The following PAICS variants were observed in gnomAD, a reference collection of about 807,000 sequenced individuals.
PAICS encodes phosphoribosylaminoimidazole carboxylase and phosphoribosylaminoimidazolesuccinocarboxamide synthase, also known as bifunctional phosphoribosylaminoimidazole carboxylase/phosphoribosylaminoimidazole succinocarboxamide synthetase.
In PAICS, 33 loss-of-function variants were observed where a neutral mutation model predicts 53.7. The observed-to-expected ratio is 0.61, with a 90% CI of 0.47 to 0.82. The LOEUF (loss-of-function observed/expected upper bound fraction) is 0.82. Ranked by LOEUF, PAICS falls within the 40% of genes least tolerant of loss-of-function variation. The pLI is 0.00. For synonymous variants in PAICS, 141 were observed against 167.2 expected (o/e 0.84, Z 1.21); for missense variants, 394 against 494.1 (o/e 0.80, Z 1.92).
chr4:56,412,826 C>T, the PAICS span, among the ~76,000 whole-genome samples: 1 of 152,176 alleles, frequency 6.6e-6, no homozygotes. Context: ...CCCTAGTTTT[C>T]ACCCTCTTCC....
At chr4:56,451,803 T>C in intron 6 of PAICS, 69 bp from the exon 7 acceptor site, 1 of 963,464 alleles carries the variant, frequency 1.0e-6, no homozygotes, top group Non-Finnish European at 1.5e-6. Context: ...ATAATTTTAC[T>C]ACAAACTCTA....
At chr4:56,454,226 G>A (rs994726949) in intron 8 of PAICS, among the ~76,000 whole-genome samples, 2 of 152,152 alleles carry the variant, frequency 1.3e-5, no homozygotes, top group African/African-American at 4.8e-5. Flanking sequence ...GGAAAGGGGA[G>A]GTCTAGAAAG....
chr4:56,411,471 T>C, the PAICS span, among the ~76,000 whole-genome samples: 11 of 152,214 alleles, frequency 7.2e-5, no homozygotes, highest in African/African-American at 1.9e-4. Context: ...ATTTAGTACA[T>C]GAAATGATCT....
chr4:56,424,531 C>T, the PAICS span, among the ~76,000 whole-genome samples: 2 of 151,602 alleles, frequency 1.3e-5, no homozygotes, highest in South Asian at 2.1e-4. Context: ...AAATCAATCA[C>T]GGAGAAGAAT....
chr4:56,429,961 TA>T, the PAICS span, among the ~76,000 whole-genome samples: 1 of 152,176 alleles, frequency 6.6e-6, no homozygotes, highest in Admixed American at 6.5e-5. Context: ...TAGTCCATTG[TA>T]AAAATATACA....
chr4:56,450,952 G>A (rs572356951), intron 6 of PAICS: 17 of 311,722 alleles, frequency 5.5e-5, no homozygotes, highest in African/African-American at 3.7e-4. Flanking sequence ...CGAGTAGCTG[G>A]GACTACAGGC....
chr4:56,420,721 C>T, the PAICS span: 1 of 152,004 alleles, frequency 6.6e-6, no homozygotes, highest in Non-Finnish European at 1.5e-5. Flanking sequence ...AGAAAAAGGG[C>T]ATTGAAGAAC....
At chr4:56,454,810 A>T (rs1372717778) in intron 8 of PAICS, among the ~76,000 whole-genome samples, 11 of 151,098 alleles carry the variant, frequency 7.3e-5, no homozygotes, top group African/African-American at 9.7e-5. Flanking sequence ...TTTTTTTTTT[A>T]AAGTAAATGT....
upstream of PAICS, chr4:56,435,644 G>A: frequency 7.0e-7 from 1 of 1,434,056 alleles, no homozygotes; most frequent in Non-Finnish European, 9.3e-7. Context: ...CCTAGGTGGC[G>A]TGGCCAGCTC....
At chr4:56,449,981 A>C (rs1718822233) in intron 5 of PAICS, among the ~76,000 whole-genome samples, 1 of 151,874 alleles carries the variant, frequency 6.6e-6, no homozygotes, top group Non-Finnish European at 1.5e-5. Flanking sequence ...TCTCCAAAAA[A>C]AAAAAAAGAA....
chr4:56,448,604 A>G lies in PAICS; in HGVS notation c.573+7A>G. On this transcript the variant is annotated splice_region_variant and intron_variant, in intron 4 of 8. Transcript: ENST00000512576. ...TACACTGGTTGATATGAAGGTACAGATAAAACAAGTACAGATAAAACAACA... is the reference window on the plus strand; with the variant it reads ...TACACTGGTTGATATGAAGGTACAGGTAAAACAAGTACAGATAAAACAACA... 1 of 1,554,902 alleles carries G rather than the reference A, an allele frequency of 6.4e-7. No homozygotes were observed. Among genetic ancestry groups the G allele is most frequent in the Non-Finnish European group, 8.6e-7 (1 of 1,157,944 alleles).
At chr4:56,433,326 C>G (rs553135838), upstream of PAICS, among the ~76,000 whole-genome samples, 65 of 149,542 alleles carry the variant, frequency 4.3e-4, no homozygotes, top group African/African-American at 1.5e-3. Flanking sequence ...ATTATTTAAT[C>G]TTACAATTCT....
chr4:56,423,916 T>A, the PAICS span, among the ~76,000 whole-genome samples: 1 of 152,164 alleles, frequency 6.6e-6, no homozygotes, highest in Non-Finnish European at 1.5e-5. Flanking sequence ...ACTCCGCTCT[T>A]AGGAAGAATG....
At chr4:56,414,998 T>C in the PAICS span, among the ~76,000 whole-genome samples, 12 of 152,360 alleles carry the variant, frequency 7.9e-5, no homozygotes, top group African/African-American at 1.9e-4. Context: ...TTTGTACTTA[T>C]GTTTATTTTT....
At chr4:56,427,940 A>T in the PAICS span, among the ~76,000 whole-genome samples, 1 of 152,212 alleles carries the variant, frequency 6.6e-6, no homozygotes, top group African/African-American at 2.4e-5. Flanking sequence ...AAAGAAGGAA[A>T]ATGTCTATGC....
At chr4:56,435,677 G>A, upstream of PAICS, 1 of 1,445,472 alleles carries the variant, frequency 6.9e-7, no homozygotes, top group Non-Finnish European at 9.2e-7. Flanking sequence ...CCCCCTCCGA[G>A]TCCACCAACG....
chr4:56,412,504 G>C, the PAICS span, among the ~76,000 whole-genome samples: 1 of 151,990 alleles, frequency 6.6e-6, no homozygotes, highest in Admixed American at 6.6e-5. Context: ...TTCCCACCAT[G>C]TTGCCCTGGC....
At chr4:56,429,674 TTA>T in the PAICS span, among the ~76,000 whole-genome samples, 1 of 152,188 alleles carries the variant, frequency 6.6e-6, no homozygotes, top group African/African-American at 2.4e-5. Flanking sequence ...AGATTGTTTT[TTA>T]GTTAACACAA....
Position 56,436,280 on chromosome 4 carries a change from G to C in PAICS, c.-33G>C, listed in dbSNP as rs747488260. ...TTTCTAGAGTTCTGCCTCGCTTCCC[G>C]GCGCGGTCGCAGCCCTCAGCCCACT... is the stretch of plus-strand genomic sequence containing the variant. On this transcript the variant is annotated 5_prime_UTR_variant, in exon 1 of 9. Transcript: ENST00000512576. The C allele has an allele frequency of 9.4e-6, 15 of 1,594,088 alleles. No individual in the cohort carries two copies. The highest frequency in any genetic ancestry group is 3.4e-5 in the South Asian group (3 of 87,404).
Sources: allele counts gnomAD v4.1 joint callset (sites outside exome capture counted in the v4.1 genomes callset), GRCh38; gene constraint gnomAD v4.1.1; transcripts MANE v1.5; gene names NCBI Gene and HGNC (gene_info 2026-07-23, HGNC 2026-07-21).